Variants in SMCO4 observed in about 807,000 individuals in gnomAD.
SMCO4 encodes the protein single-pass membrane and coiled-coil domain-containing protein 4.
SMCO4 carries 4 observed loss-of-function variants against 3.6 expected under a neutral mutation model. The observed-to-expected ratio is 1.11, with a 90% CI of 0.54 to 2.53. The LOEUF (loss-of-function observed/expected upper bound fraction) is 2.53, where lower values mean the gene tolerates loss of function less well. SMCO4 is among the 30% of genes most tolerant of loss of function. The pLI is 0.02. For missense variants in SMCO4, 70 were observed against 80.8 expected (o/e 0.87, Z 0.51); for synonymous variants, 36 against 35.3 (o/e 1.02, Z -0.07).
At chr11:93,508,668 A>G (rs1209871090) in intron 1 of SMCO4, among the ~76,000 whole-genome samples, 3 of 152,232 alleles carry the variant, frequency 2.0e-5, no homozygotes, top group African/African-American at 7.2e-5. Context: ...AAATAAAAAT[A>G]AAGGAGTCAG....
At chr11:93,536,389 A>G (rs1337799616) in intron 1 of SMCO4, among the ~76,000 whole-genome samples, 1 of 152,262 alleles carries the variant, frequency 6.6e-6, no homozygotes, top group Non-Finnish European at 1.5e-5. Flanking sequence ...GAGTTAGTTT[A>G]TATGTCTACC....
At position 93,509,055 on chromosome 11, in the gene SMCO4, G is replaced by A. The variant is rs182006521; in HGVS notation, c.-153-9707C>T. On this transcript the variant is annotated intron_variant, in intron 1 of 2. Coordinates refer to ENST00000298966, the MANE Select transcript of SMCO4 (RefSeq NM_020179.3). ...CTGTAATCCCAACACTCTGGGAGGCGGAGGTAGGCAATTTACTTCAGCCCA... is the reference window on the plus strand; with the variant it reads ...CTGTAATCCCAACACTCTGGGAGGCAGAGGTAGGCAATTTACTTCAGCCCA... 3.3e-5 allele frequency among the ~76,000 whole-genome samples: 5 copies of A among 152,154 alleles called. No homozygotes were observed. The East Asian group carries it at 5.8e-4, about 18-fold the overall frequency.
At chr11:93,506,307 T>C (rs1022546906) in intron 1 of SMCO4, among the ~76,000 whole-genome samples, 19 of 152,236 alleles carry the variant, frequency 1.2e-4, no homozygotes, top group Non-Finnish European at 2.4e-4. Flanking sequence ...AAAACTATCT[T>C]CAACTGTGTT....
upstream of SMCO4, among the ~76,000 whole-genome samples, chr11:93,545,609 AG>A (rs1591335151): frequency 3.4e-4 from 48 of 139,596 alleles, no homozygotes; most frequent in East Asian, 4.4e-3. Flanking sequence ...AAAAAAAAAA[AG>A]AGAGAGAGAG....
chr11:93,536,927 A>G (rs1949231295), intron 1 of SMCO4, among the ~76,000 whole-genome samples: 1 of 152,190 alleles, frequency 6.6e-6, no homozygotes, highest in Non-Finnish European at 1.5e-5. Context: ...GTTCAAGCCA[A>G]TTTCTGCAGT....
At chr11:93,549,623 A>ATTT in the SMCO4 span, among the ~76,000 whole-genome samples, 2 of 90,652 alleles carry the variant, frequency 2.2e-5, no homozygotes, top group African/African-American at 8.0e-5. Context: ...TAATTTATTT[A>ATTT]TTTTTTTTTT....
intron 2 of SMCO4, among the ~76,000 whole-genome samples, chr11:93,485,764 T>C (rs1368359788): frequency 9.9e-5 from 15 of 152,224 alleles, no homozygotes; most frequent in Admixed American, 9.2e-4. Flanking sequence ...CAACTAACCA[T>C]TGAGTTAGAA....
intron 2 of SMCO4, among the ~76,000 whole-genome samples, chr11:93,497,545 C>G (rs1487448246): frequency 6.6e-6 from 1 of 152,054 alleles, no homozygotes; most frequent in South Asian, 2.1e-4. Context: ...GTCAGACTCT[C>G]AACAGAAGGT....
rs71480680 is a variant in SMCO4 at position 93,482,494 on chromosome 11, G to A, written c.-80-3225C>T. 7.1e-3 allele frequency among the ~76,000 whole-genome samples: 1,074 copies of A among 152,334 alleles called. 9 individuals carry two copies. Among genetic ancestry groups the A allele is most frequent in the Non-Finnish European group, 0.013 (862 of 68,030 alleles). ...CAACTATTGGATTAAGAGAGATCATGTCCAAGGCAGGCAGAGAAAGGGCCC... is the reference window on the plus strand; with the variant it reads ...CAACTATTGGATTAAGAGAGATCATATCCAAGGCAGGCAGAGAAAGGGCCC... On this transcript the variant is annotated intron_variant, in intron 2 of 2. Coordinates refer to ENST00000298966, the MANE Select transcript of SMCO4 (RefSeq NM_020179.3).
chr11:93,545,588 CAAAAAAAAAAAAA>C (rs143549634), upstream of SMCO4, among the ~76,000 whole-genome samples: 1 of 85,974 alleles, frequency 1.2e-5, no homozygotes, highest in Admixed American at 1.5e-4. Context: ...AACTCTGTCT[CAAAAAAAAAAAAA>C]AAAAAAAAGA....
chr11:93,490,354 G>A (rs1948700340), intron 2 of SMCO4, among the ~76,000 whole-genome samples: 1 of 152,220 alleles, frequency 6.6e-6, no homozygotes, highest in South Asian at 2.1e-4. Context: ...AAATAAACGT[G>A]AAGTAACTTG....
chr11:93,536,015 G>A (rs937981729), intron 1 of SMCO4, among the ~76,000 whole-genome samples: 4 of 152,036 alleles, frequency 2.6e-5, no homozygotes, highest in Admixed American at 6.5e-5. Flanking sequence ...TGGCTAATTG[G>A]TCTGTGCTGC....
intron 1 of SMCO4, among the ~76,000 whole-genome samples, chr11:93,518,249 G>C: frequency 6.6e-6 from 1 of 152,200 alleles, no homozygotes; most frequent in East Asian, 1.9e-4. Context: ...TGTTCTTGCG[G>C]TTTATGCAAG....
chr11:93,499,469 A>G (rs1948813268), intron 1 of SMCO4, 121 bp from the exon 2 acceptor site: 2 of 152,064 alleles, frequency 1.3e-5, no homozygotes, highest in South Asian at 2.1e-4. Context: ...CCCTCTCCCA[A>G]CTGGCTTAGG....
intron 1 of SMCO4, among the ~76,000 whole-genome samples, chr11:93,516,118 C>T (rs1226642516): frequency 1.3e-5 from 2 of 152,096 alleles, no homozygotes; most frequent in Non-Finnish European, 2.9e-5. Flanking sequence ...AATAAATTAT[C>T]CCTTTTACTA....
chr11:93,534,155 C>A, intron 1 of SMCO4, among the ~76,000 whole-genome samples: 1 of 148,206 alleles, frequency 6.7e-6, no homozygotes, highest in Admixed American at 6.8e-5. Flanking sequence ...CGCGGCACAG[C>A]ACTCCAGCCT....
chr11:93,503,819 A>G (rs1565379771), intron 1 of SMCO4, among the ~76,000 whole-genome samples: 1 of 152,184 alleles, frequency 6.6e-6, no homozygotes, highest in African/African-American at 2.4e-5. Context: ...CTGGCTTCCA[A>G]AACTATGAGA....
At chr11:93,509,384 C>T (rs1749042135) in intron 1 of SMCO4, among the ~76,000 whole-genome samples, 1 of 151,666 alleles carries the variant, frequency 6.6e-6, no homozygotes, top group Admixed American at 6.6e-5. Context: ...CAAACTGGTA[C>T]AACCACTATG....
At chr11:93,485,028 A>G (rs1948632119) in intron 2 of SMCO4, among the ~76,000 whole-genome samples, 1 of 152,246 alleles carries the variant, frequency 6.6e-6, no homozygotes, top group South Asian at 2.1e-4. Flanking sequence ...ATAGCTCATT[A>G]AAAGTTATTT....
Sources: gnomAD v4.1 joint callset for allele counts (sites outside exome capture counted in the v4.1 genomes callset) on GRCh38, gnomAD v4.1.1 for gene constraint, MANE v1.5 for transcripts, NCBI Gene and HGNC (gene_info 2026-07-23, HGNC 2026-07-21) for gene names.